STK32A: variants seen among roughly 807,000 people sequenced by gnomAD.
STK32A encodes serine/threonine-protein kinase 32A.
In STK32A, 41 loss-of-function variants were observed where a neutral mutation model predicts 53.2. The observed-to-expected ratio is 0.77, with a 90% CI of 0.60 to 1.00. The LOEUF is 1.00. STK32A is among the 50% of genes least tolerant of loss of function. The pLI is 0.00. For missense variants in STK32A, 458 were observed against 485.8 expected (o/e 0.94, Z 0.54); for synonymous variants, 166 against 162.8 (o/e 1.02, Z -0.15).
rs190971731 is a variant in STK32A, at chr5:147,332,599, T to C, written c.434+8528T>C. On this transcript the variant is annotated intron_variant, in intron 5 of 12. Transcript: ENST00000397936. ...GACTTTGGTTTTAGGCTATCATCTG[T>C]GGAGTGCTTAAGAAAATGCCCTTTC... Among the ~76,000 whole-genome samples, 134 of 152,290 alleles carry C rather than the reference T, an allele frequency of 8.8e-4. 1 individual carries two copies. Among genetic ancestry groups the C allele is most frequent in the African/African-American group, 3.1e-3 (127 of 41,580 alleles).
At position 147,384,037 on chromosome 5, in the gene STK32A, T is replaced by C. The variant is rs1757559408; in HGVS notation, c.*54T>C. 1.3e-6 allele frequency: 2 copies of C among 1,561,974 alleles called. No individual in the cohort carries two copies. Among genetic ancestry groups the C allele is most frequent in the Admixed American group, 2.1e-5 (1 of 46,898 alleles). Reference sequence around the variant, plus strand: ...CTCATGCCAGAAACTTCTAATTACATATGTCAAGAAAAGCTGACAGTAGTT... The same window carrying C: ...CTCATGCCAGAAACTTCTAATTACACATGTCAAGAAAAGCTGACAGTAGTT... On this transcript the variant is annotated 3_prime_UTR_variant, in exon 13 of 13. Transcript: ENST00000397936.
At chr5:147,257,363 G>A (rs1754281562) in intron 2 of STK32A, among the ~76,000 whole-genome samples, 1 of 152,054 alleles carries the variant, frequency 6.6e-6, no homozygotes, top group African/African-American at 2.4e-5. Flanking sequence ...GAGGCACAGA[G>A]GTATTTTTTC....
chr5:147,390,987 C>G (rs1757783087), downstream of STK32A: 1 of 152,704 alleles, frequency 6.5e-6, no homozygotes, highest in South Asian at 2.1e-4. Flanking sequence ...ACTGTCTGTC[C>G]ATACCCACCA....
At chr5:147,252,329 A>C (rs766619124) in intron 2 of STK32A, among the ~76,000 whole-genome samples, 1 of 152,184 alleles carries the variant, frequency 6.6e-6, no homozygotes, top group Non-Finnish European at 1.5e-5. Context: ...CCAGAGTATA[A>C]CATACCAGGG....
chr5:147,353,061 G>A (rs947093629), intron 7 of STK32A, among the ~76,000 whole-genome samples: 1 of 152,180 alleles, frequency 6.6e-6, no homozygotes, highest in African/African-American at 2.4e-5. Flanking sequence ...GTGTAGCTAG[G>A]AGTCACAACT....
chr5:147,383,545 G>A, intron 12 of STK32A, 40 bp downstream of exon 12: 4 of 1,473,726 alleles, frequency 2.7e-6, no homozygotes, highest in Non-Finnish European at 3.7e-6. Flanking sequence ...CAGAAATGGT[G>A]GCATGTTTCA....
intron 4 of STK32A, among the ~76,000 whole-genome samples, chr5:147,313,680 T>A (rs1341337899): frequency 6.6e-6 from 1 of 152,170 alleles, no homozygotes; most frequent in Non-Finnish European, 1.5e-5. Flanking sequence ...GTTTCGAAAG[T>A]TGTTATGAAG....
At chr5:147,254,411 A>G (rs1320108305) in intron 2 of STK32A, among the ~76,000 whole-genome samples, 1 of 152,200 alleles carries the variant, frequency 6.6e-6, no homozygotes, top group Non-Finnish European at 1.5e-5. Context: ...TTTACATACT[A>G]AGGGTTCCCA....
At chr5:147,379,807 T>C (rs1185189594) in intron 11 of STK32A, among the ~76,000 whole-genome samples, 2 of 152,144 alleles carry the variant, frequency 1.3e-5, no homozygotes, top group Non-Finnish European at 2.9e-5. Context: ...ATTTAATCAG[T>C]GTTTGCTCTG....
At chr5:147,236,287 G>A (rs969255844) in intron 1 of STK32A, among the ~76,000 whole-genome samples, 3 of 152,172 alleles carry the variant, frequency 2.0e-5, no homozygotes, top group African/African-American at 7.2e-5. Flanking sequence ...CTGTGTCCCT[G>A]CAAGACAAAT....
chr5:147,302,581 G>A (rs1358294683), intron 4 of STK32A, among the ~76,000 whole-genome samples: 1 of 152,110 alleles, frequency 6.6e-6, no homozygotes, highest in African/African-American at 2.4e-5. Flanking sequence ...GGGGCCTTGG[G>A]CACCATCATG....
intron 3 of STK32A, among the ~76,000 whole-genome samples, chr5:147,278,620 T>C (rs761987823): frequency 2.4e-4 from 37 of 152,246 alleles, no homozygotes; most frequent in Non-Finnish European, 4.7e-4. Context: ...GAAAAATACA[T>C]ATTCAGTTTA....
At chr5:147,377,641 A>G (rs1757284688) in intron 11 of STK32A, among the ~76,000 whole-genome samples, 1 of 152,158 alleles carries the variant, frequency 6.6e-6, no homozygotes, top group Non-Finnish European at 1.5e-5. Flanking sequence ...CAATGTTTGC[A>G]GAGATTGTCT....
chr5:147,353,429 A>G (rs977061021), intron 7 of STK32A, among the ~76,000 whole-genome samples: 2 of 152,164 alleles, frequency 1.3e-5, no homozygotes, highest in Non-Finnish European at 2.9e-5. Context: ...AGGAAGTTAG[A>G]CACTGCACAG....
At chr5:147,268,909 T>C (rs1335116746) in intron 2 of STK32A, among the ~76,000 whole-genome samples, 1 of 152,156 alleles carries the variant, frequency 6.6e-6, no homozygotes, top group Non-Finnish European at 1.5e-5. Context: ...TGAACATTGT[T>C]GTGAGTCAGG....
At chr5:147,327,456 A>G (rs1367542268) in intron 5 of STK32A, among the ~76,000 whole-genome samples, 3 of 152,246 alleles carry the variant, frequency 2.0e-5, no homozygotes, top group Admixed American at 6.5e-5. Flanking sequence ...AGGAGAGACC[A>G]TCTGCATAAA....
chr5:147,323,549 G>T (rs770024279), intron 4 of STK32A, among the ~76,000 whole-genome samples: 3 of 152,132 alleles, frequency 2.0e-5, no homozygotes, highest in African/African-American at 7.2e-5. Flanking sequence ...ATATGGTTAG[G>T]ATACAACCAT....
At chr5:147,359,122 G>A (rs1170731317) in intron 7 of STK32A, among the ~76,000 whole-genome samples, 1 of 152,062 alleles carries the variant, frequency 6.6e-6, no homozygotes, top group Non-Finnish European at 1.5e-5. Flanking sequence ...TGGCTTTTTT[G>A]AAGGACACTT....
chr5:147,336,767 G>A (rs1366663664), intron 5 of STK32A, among the ~76,000 whole-genome samples: 1 of 152,094 alleles, frequency 6.6e-6, no homozygotes, highest in Admixed American at 6.5e-5. Context: ...ACATGGGTCT[G>A]TTTTTTGAGA....
Sources: allele counts gnomAD v4.1 joint callset (sites outside exome capture counted in the v4.1 genomes callset), GRCh38; gene constraint gnomAD v4.1.1; transcripts MANE v1.5; gene names NCBI Gene and HGNC (gene_info 2026-07-23, HGNC 2026-07-21).